The following RSU1 variants were observed in gnomAD, a reference collection of about 807,000 sequenced individuals.
RSU1 encodes the protein Ras suppressor protein 1, also known as rsu-1.
In RSU1, 26 loss-of-function variants were observed where a neutral mutation model predicts 31.1. The observed-to-expected ratio is 0.84, with a 90% CI of 0.61 to 1.16. The LOEUF is 1.16. Ranked by LOEUF, RSU1 falls within the 50% of genes most tolerant of loss-of-function variation. The pLI is 0.00. For synonymous variants in RSU1, 164 were observed against 136.3 expected, an observed-to-expected ratio of 1.20 and a Z score of -1.41; for missense variants, 320 against 339.1, an observed-to-expected ratio of 0.94 and a Z score of 0.44.
intron 7 of RSU1, among the ~76,000 whole-genome samples, chr10:16,748,987 A>G (rs1204072518): frequency 2.0e-5 from 3 of 152,022 alleles, no homozygotes; most frequent in Non-Finnish European, 4.4e-5. Flanking sequence ...TCTAATCCCT[A>G]GCAAATACCA....
chr10:16,709,202 G>A (rs1289860968), intron 7 of RSU1, among the ~76,000 whole-genome samples: 2 of 149,908 alleles, frequency 1.3e-5, no homozygotes, highest in East Asian at 2.0e-4. Context: ...GTGTCCATGT[G>A]TTCTCATTGT....
At chr10:16,674,908 C>T (rs1004878031) in intron 8 of RSU1, among the ~76,000 whole-genome samples, 1 of 152,078 alleles carries the variant, frequency 6.6e-6, no homozygotes, top group African/African-American at 2.4e-5. Flanking sequence ...TGGCACACGC[C>T]TGTAATCCCA....
chr10:16,690,158 CT>C (rs1393906810), intron 8 of RSU1, among the ~76,000 whole-genome samples: 2 of 152,154 alleles, frequency 1.3e-5, no homozygotes, highest in Non-Finnish European at 2.9e-5. Context: ...AAAAATCTAC[CT>C]TCTGGAAACT....
chr10:16,772,911 T>A (rs189921117), intron 3 of RSU1, among the ~76,000 whole-genome samples: 205 of 152,228 alleles, frequency 1.3e-3, no homozygotes, highest in South Asian at 5.4e-3. Context: ...CTTTCACAAT[T>A]AAGAATTAAT....
At chr10:16,723,755 G>A (rs1836328911) in intron 7 of RSU1, among the ~76,000 whole-genome samples, 1 of 152,098 alleles carries the variant, frequency 6.6e-6, no homozygotes, top group Non-Finnish European at 1.5e-5. Context: ...GGACTAGAGG[G>A]TGGAGGGCAG....
intron 8 of RSU1, among the ~76,000 whole-genome samples, chr10:16,662,435 A>G (rs1006320748): frequency 6.6e-6 from 1 of 152,324 alleles, no homozygotes; most frequent in African/African-American, 2.4e-5. Flanking sequence ...ATTTTTGGTA[A>G]ATAACTCAGC....
chr10:16,623,753 T>C (rs1246417583), intron 8 of RSU1, among the ~76,000 whole-genome samples: 1 of 152,196 alleles, frequency 6.6e-6, no homozygotes, highest in African/African-American at 2.4e-5. Context: ...TGGTTTTAAC[T>C]TGCATTTCTC....
In RSU1 at chr10:16,754,895, G is replaced by A. The variant is rs1428943510; in HGVS notation, c.376C>T (p.Leu126Phe). 10 of 1,611,154 alleles carry A rather than the reference G, an allele frequency of 6.2e-6. No homozygotes were observed. The highest frequency in any genetic ancestry group is 1.3e-5 in the African/African-American group (1 of 74,810). The change falls in exon 5 of 9, where the codon CTT becomes TTT. Residue 126 changes from leucine to phenylalanine, a missense_variant. By Grantham distance (22) the Leu-to-Phe change is conservative. Coordinates refer to ENST00000345264, the MANE Select transcript of RSU1 (RefSeq NM_012425.4). ...LTYNNLSENS[L>F]PGNFFYLTTL... The stretch of plus-strand genomic sequence containing the variant: ...CTCAGGTAGAAGAAGTTTCCAGGAA[G>A]AGAATTTTCGCTCAAGTTGTTGTAC...
chr10:16,774,820 C>T (rs1213059585), intron 3 of RSU1, among the ~76,000 whole-genome samples: 1 of 152,140 alleles, frequency 6.6e-6, no homozygotes, highest in Non-Finnish European at 1.5e-5. Context: ...GTTAAGAAGG[C>T]TGGGCACAGG....
intron 3 of RSU1, among the ~76,000 whole-genome samples, chr10:16,777,262 A>AT (rs1393437690): frequency 6.6e-6 from 1 of 152,138 alleles, no homozygotes; most frequent in East Asian, 1.9e-4. Flanking sequence ...TCTTCCACAG[A>AT]TTAAAAAAAA....
intron 8 of RSU1, among the ~76,000 whole-genome samples, chr10:16,601,603 C>T (rs1165824969): frequency 1.3e-5 from 2 of 152,140 alleles, no homozygotes; most frequent in East Asian, 1.9e-4. Flanking sequence ...CCAGTGTGTC[C>T]TACACAGGAT....
chr10:16,747,156 G>A (rs534321400), intron 7 of RSU1, among the ~76,000 whole-genome samples: 12 of 152,220 alleles, frequency 7.9e-5, no homozygotes, highest in East Asian at 7.7e-4. Flanking sequence ...GAGTCAGCCC[G>A]ACCCATTAAC....
intron 7 of RSU1, among the ~76,000 whole-genome samples, chr10:16,722,875 T>TATACATATATGCATATAG (rs1564332514): frequency 1.5e-3 from 212 of 136,938 alleles, no homozygotes; most frequent in African/African-American, 5.2e-3. Flanking sequence ...TATGTATATA[T>TATACATATATGCATATAG]ACACACATAT....
intron 3 of RSU1, among the ~76,000 whole-genome samples, chr10:16,768,971 G>C (rs1837371841): frequency 6.6e-6 from 1 of 152,194 alleles, no homozygotes; most frequent in Non-Finnish European, 1.5e-5. Flanking sequence ...ACTCCTAAAA[G>C]GACATGTATC....
At chr10:16,763,528 C>T (rs2131630518) in intron 4 of RSU1, among the ~76,000 whole-genome samples, 2 of 152,276 alleles carry the variant, frequency 1.3e-5, no homozygotes, top group South Asian at 4.1e-4. Flanking sequence ...CAGGAGAGCT[C>T]CGCCCCCAGG....
intron 7 of RSU1, among the ~76,000 whole-genome samples, chr10:16,701,723 C>T (rs1006670610): frequency 4.6e-5 from 7 of 152,114 alleles, no homozygotes; most frequent in Admixed American, 4.6e-4. Flanking sequence ...TGTGAAGAGG[C>T]CCAGAAGTCC....
chr10:16,636,733 A>C (rs1834349806), intron 8 of RSU1, among the ~76,000 whole-genome samples: 1 of 152,186 alleles, frequency 6.6e-6, no homozygotes, highest in African/African-American at 2.4e-5. Context: ...CCTGGGGGGC[A>C]GGGTGGGTGC....
intron 8 of RSU1, among the ~76,000 whole-genome samples, chr10:16,601,256 A>C (rs2131457720): frequency 6.6e-6 from 1 of 152,292 alleles, no homozygotes; most frequent in Non-Finnish European, 1.5e-5. Context: ...GCAAATGCTA[A>C]GTTATTTTGA....
At chr10:16,618,359 C>G (rs1186725055) in intron 8 of RSU1, among the ~76,000 whole-genome samples, 1 of 152,168 alleles carries the variant, frequency 6.6e-6, no homozygotes, top group African/African-American at 2.4e-5. Context: ...GAAATAGGCA[C>G]ACTACTACAC....
Sources: gnomAD v4.1 joint callset for allele counts (sites outside exome capture counted in the v4.1 genomes callset) on GRCh38, gnomAD v4.1.1 for gene constraint, MANE v1.5 for transcripts, NCBI Gene and HGNC (gene_info 2026-07-23, HGNC 2026-07-21) for gene names.